Variants in AK5 observed in about 807,000 individuals in gnomAD.
The protein encoded by AK5 is adenylate kinase isoenzyme 5.
In AK5, 27 loss-of-function variants were observed where a neutral mutation model predicts 69.5. The observed-to-expected ratio is 0.39, with a 90% CI of 0.29 to 0.54. The LOEUF (loss-of-function observed/expected upper bound fraction) is 0.54. Ranked by LOEUF, AK5 falls within the 20% of genes least tolerant of loss-of-function variation. The pLI is 0.71. For synonymous variants in AK5, 260 were observed against 244.4 expected, an observed-to-expected ratio of 1.06 and a Z score of -0.60; for missense variants, 531 against 700.4, an observed-to-expected ratio of 0.76 and a Z score of 2.73.
intron 3 of AK5, among the ~76,000 whole-genome samples, chr1:77,297,296 T>A (rs989072991): frequency 7.2e-5 from 11 of 152,174 alleles, no homozygotes; most frequent in South Asian, 4.1e-4. Flanking sequence ...TGTTCAAAAA[T>A]TTTTTTAATT....
chr1:77,410,381 G>A (rs1321231932), intron 6 of AK5, among the ~76,000 whole-genome samples: 1 of 151,896 alleles, frequency 6.6e-6, no homozygotes, highest in Non-Finnish European at 1.5e-5. Context: ...GGGTTCAAGT[G>A]ATTCTCGTGC....
chr1:77,491,918 G>A (rs1207153905), intron 10 of AK5, among the ~76,000 whole-genome samples: 1 of 152,084 alleles, frequency 6.6e-6, no homozygotes, highest in African/African-American at 2.4e-5. Context: ...TTGAAAGCAT[G>A]GATTTTTGCA....
intron 10 of AK5, among the ~76,000 whole-genome samples, chr1:77,504,262 G>A (rs1483875004): frequency 1.3e-5 from 2 of 152,012 alleles, no homozygotes; most frequent in African/African-American, 4.8e-5. Context: ...TCCTAAAACA[G>A]ATTGGCGAGA....
chr1:77,410,114 CTA>C (rs534823284), intron 6 of AK5, among the ~76,000 whole-genome samples: 63 of 151,844 alleles, frequency 4.1e-4, no homozygotes, highest in Non-Finnish European at 7.4e-4. Context: ...ATAAATATAA[CTA>C]TGTCATTTTA....
intron 12 of AK5, among the ~76,000 whole-genome samples, chr1:77,529,120 C>G (rs1658436659): frequency 6.6e-6 from 1 of 151,554 alleles, no homozygotes; most frequent in African/African-American, 2.4e-5. Flanking sequence ...AATAACTAAC[C>G]ACCCAGTGAT....
At chr1:77,543,556 G>A (rs9661264) in intron 13 of AK5, among the ~76,000 whole-genome samples, 3,956 of 151,866 alleles carry the variant, frequency 0.026, 118 homozygotes, top group South Asian at 0.11. Flanking sequence ...TTTTGAGACA[G>A]GGTCTCTCTG....
At chr1:77,297,167 G>A (rs1296536689) in intron 3 of AK5, among the ~76,000 whole-genome samples, 3 of 152,074 alleles carry the variant, frequency 2.0e-5, no homozygotes, top group African/African-American at 7.2e-5. Context: ...CTGTTGGCAT[G>A]GAATCTATTA....
At chr1:77,330,270 T>C (rs550994943) in intron 5 of AK5, among the ~76,000 whole-genome samples, 6 of 152,358 alleles carry the variant, frequency 3.9e-5, no homozygotes, top group East Asian at 1.9e-4. Flanking sequence ...TTTTCTTTTA[T>C]GGTTAGAGTT....
At chr1:77,470,513 A>G (rs1489376936) in intron 8 of AK5, among the ~76,000 whole-genome samples, 2 of 152,058 alleles carry the variant, frequency 1.3e-5, no homozygotes, top group Non-Finnish European at 2.9e-5. Context: ...TCAAATAATA[A>G]TAATATTAGT....
intron 13 of AK5, among the ~76,000 whole-genome samples, chr1:77,543,229 C>T (rs1236084620): frequency 6.6e-6 from 1 of 152,188 alleles, no homozygotes; most frequent in African/African-American, 2.4e-5. Context: ...TCACATTTCA[C>T]CGCTTGGTTG....
intron 13 of AK5, among the ~76,000 whole-genome samples, chr1:77,551,456 T>C (rs1659819579): frequency 6.6e-6 from 1 of 152,150 alleles, no homozygotes; most frequent in South Asian, 2.1e-4. Flanking sequence ...CTACAGTACA[T>C]GACTCTGACT....
chr1:77,520,629 C>T (rs1287862506), intron 11 of AK5, among the ~76,000 whole-genome samples: 1 of 152,244 alleles, frequency 6.6e-6, no homozygotes, highest in Non-Finnish European at 1.5e-5. Flanking sequence ...TCATCCAGAT[C>T]TCCACTTCAG....
At chr1:77,507,034 C>T (rs560304632) in intron 10 of AK5, among the ~76,000 whole-genome samples, 1 of 152,056 alleles carries the variant, frequency 6.6e-6, no homozygotes, top group Non-Finnish European at 1.5e-5. Flanking sequence ...AATAATGGGG[C>T]CTGATAAGGT....
At chr1:77,548,628 T>G (rs1659661032) in intron 13 of AK5, among the ~76,000 whole-genome samples, 1 of 152,190 alleles carries the variant, frequency 6.6e-6, no homozygotes, top group Non-Finnish European at 1.5e-5. Context: ...AAGCAATGGT[T>G]TCAACTGTCT....
At chr1:77,535,196 C>A (rs1253730912) in intron 12 of AK5, among the ~76,000 whole-genome samples, 2 of 152,166 alleles carry the variant, frequency 1.3e-5, no homozygotes, top group Non-Finnish European at 2.9e-5. Context: ...ACTCTAAAAG[C>A]ATGGACATTA....
chr1:77,287,279 T>C (rs949697991), intron 2 of AK5, 152 bp downstream of exon 2: 12 of 492,398 alleles, frequency 2.4e-5, no homozygotes, highest in African/African-American at 4.0e-5. Flanking sequence ...CTACTAATTC[T>C]AATCACTTCC....
intron 10 of AK5, among the ~76,000 whole-genome samples, chr1:77,489,713 G>C (rs1160487510): frequency 6.6e-6 from 1 of 152,166 alleles, no homozygotes; most frequent in Non-Finnish European, 1.5e-5. Flanking sequence ...TTCGCCTTAA[G>C]ACAAAATTAA....
intron 8 of AK5, among the ~76,000 whole-genome samples, chr1:77,447,717 A>G (rs1364901663): frequency 6.6e-6 from 1 of 152,256 alleles, no homozygotes; most frequent in Non-Finnish European, 1.5e-5. Flanking sequence ...AAGAAAAGGA[A>G]TTAGAACTCA....
At chr1:77,311,520 G>A (rs1283630269) in intron 5 of AK5, among the ~76,000 whole-genome samples, 1 of 152,088 alleles carries the variant, frequency 6.6e-6, no homozygotes, top group African/African-American at 2.4e-5. Flanking sequence ...AAGATTAAAT[G>A]ATATAAAATA....
Sources: allele counts gnomAD v4.1 joint callset (sites outside exome capture counted in the v4.1 genomes callset), GRCh38; gene constraint gnomAD v4.1.1; transcripts MANE v1.5; gene names NCBI Gene and HGNC (gene_info 2026-07-23, HGNC 2026-07-21).